Variants in DTNB observed in about 807,000 individuals in gnomAD.
DTNB encodes the protein DTN-B.
DTNB carries 63 observed loss-of-function variants against 90.7 expected under a neutral mutation model. The ratio of observed to expected loss-of-function variants is 0.69; its 90% CI spans 0.57 to 0.86. DTNB has a LOEUF of 0.86. DTNB is among the 40% of genes least tolerant of loss of function. The pLI, the probability that DTNB is intolerant of heterozygous loss-of-function variation, is 0.00. For synonymous variants in DTNB, 277 were observed against 286.7 expected (o/e 0.97, Z 0.34); for missense variants, 744 against 807.1 (o/e 0.92, Z 0.95).
intron 5 of DTNB, among the ~76,000 whole-genome samples, chr2:25,600,203 G>T (rs1189689223): frequency 6.6e-6 from 1 of 152,270 alleles, no homozygotes; most frequent in African/African-American, 2.4e-5. Context: ...ACTGCCAGGT[G>T]CCTCAGTATC....
chr2:25,382,026 A>G (rs189191114), intron 19 of DTNB, among the ~76,000 whole-genome samples: 1 of 152,264 alleles, frequency 6.6e-6, no homozygotes, highest in Admixed American at 6.5e-5. Context: ...CACTTCCCTT[A>G]GTCTACCAGT....
At chr2:25,592,742 TACA>T (rs2063802570) in intron 6 of DTNB, among the ~76,000 whole-genome samples, 4 of 151,980 alleles carry the variant, frequency 2.6e-5, no homozygotes. Context: ...GTGCGCAGAG[TACA>T]ACACTGTGGA....
intron 9 of DTNB, among the ~76,000 whole-genome samples, chr2:25,490,982 C>T (rs945921065): frequency 6.6e-6 from 1 of 151,884 alleles, no homozygotes; most frequent in African/African-American, 2.4e-5. Context: ...GGAAAGTATA[C>T]TTTCCAACAC....
At chr2:25,531,718 C>A in intron 8 of DTNB, 121 bp from the exon 9 acceptor site, 1 of 1,330,668 alleles carries the variant, frequency 7.5e-7, no homozygotes. Context: ...AATCAAGTTT[C>A]ATTACATCAA....
intron 9 of DTNB, among the ~76,000 whole-genome samples, chr2:25,518,987 A>G (rs570177631): frequency 6.6e-6 from 1 of 152,328 alleles, no homozygotes; most frequent in Non-Finnish European, 1.5e-5. Flanking sequence ...TTCTTTTACC[A>G]AAAAGACAAA....
chr2:25,618,928 GCAGA>G (rs770964456), intron 4 of DTNB, among the ~76,000 whole-genome samples: 26 of 152,172 alleles, frequency 1.7e-4, no homozygotes, highest in Non-Finnish European at 3.7e-4. Context: ...GCCAAGCTAA[GCAGA>G]CAATGAGTCA....
intron 6 of DTNB, among the ~76,000 whole-genome samples, chr2:25,586,022 A>C (rs1433526533): frequency 2.0e-5 from 3 of 152,236 alleles, no homozygotes; most frequent in African/African-American, 7.2e-5. Flanking sequence ...TTATGGATAA[A>C]GGAAAGATTA....
intron 6 of DTNB, among the ~76,000 whole-genome samples, chr2:25,594,478 T>C (rs972047384): frequency 1.3e-5 from 2 of 152,214 alleles, no homozygotes; most frequent in Non-Finnish European, 2.9e-5. Context: ...CTAAATACTA[T>C]TTGAAAGTCT....
chr2:25,623,083 G>A (rs1477776966), intron 4 of DTNB, among the ~76,000 whole-genome samples: 1 of 152,022 alleles, frequency 6.6e-6, no homozygotes, highest in Non-Finnish European at 1.5e-5. Context: ...AAGTAGAAAT[G>A]CCAACAATCA....
chr2:25,614,233 GAAGA>G (rs2069530492), intron 4 of DTNB, among the ~76,000 whole-genome samples: 1 of 152,168 alleles, frequency 6.6e-6, no homozygotes, highest in Non-Finnish European at 1.5e-5. Context: ...CATACTCAGT[GAAGA>G]AAGACTGAGT....
At chr2:25,395,347 A>C (rs944387028) in intron 16 of DTNB, among the ~76,000 whole-genome samples, 2 of 152,148 alleles carry the variant, frequency 1.3e-5, no homozygotes, top group African/African-American at 4.8e-5. Context: ...CATGTAATCA[A>C]ATACTACCTG....
intron 6 of DTNB, among the ~76,000 whole-genome samples, chr2:25,593,978 T>C (rs1243233912): frequency 6.6e-6 from 1 of 152,194 alleles, no homozygotes; most frequent in Non-Finnish European, 1.5e-5. Flanking sequence ...AAGCCATGTA[T>C]ACACCATACA....
At chr2:25,599,321 A>C (rs769292038) in intron 5 of DTNB, among the ~76,000 whole-genome samples, 12 of 151,058 alleles carry the variant, frequency 7.9e-5, no homozygotes, top group Non-Finnish European at 1.5e-4. Flanking sequence ...TTAGCTTTGA[A>C]CATTACTGTT....
chr2:25,592,060 C>CAAA (rs1162292627), intron 6 of DTNB, among the ~76,000 whole-genome samples: 23 of 48,942 alleles, frequency 4.7e-4, no homozygotes, highest in Non-Finnish European at 6.4e-4. Flanking sequence ...GACTCCATCT[C>CAAA]AAAAAAAAAA....
At chr2:25,629,568 T>C (rs80222837) in intron 3 of DTNB, among the ~76,000 whole-genome samples, 2,522 of 152,196 alleles carry the variant, frequency 0.017, 19 homozygotes, top group South Asian at 0.03. Flanking sequence ...AAGATTTAAA[T>C]ATAAGTGGAT....
chr2:25,645,418 A>G (rs563920026), intron 2 of DTNB, among the ~76,000 whole-genome samples: 7 of 152,272 alleles, frequency 4.6e-5, no homozygotes, highest in Admixed American at 3.3e-4. Context: ...ACAAAAAATA[A>G]TAACAAAATC....
chr2:25,383,395 T>C (rs1330015694), intron 19 of DTNB, among the ~76,000 whole-genome samples: 1 of 152,094 alleles, frequency 6.6e-6, no homozygotes, highest in African/African-American at 2.4e-5. Flanking sequence ...TTTTTGTATT[T>C]TTAGTAGAGA....
At chr2:25,535,496 G>A (rs1436779364) in intron 8 of DTNB, among the ~76,000 whole-genome samples, 1 of 147,194 alleles carries the variant, frequency 6.8e-6, no homozygotes, top group East Asian at 2.1e-4. Context: ...CCCAGACAGG[G>A]TTGCTGGGCA....
At chr2:25,564,032 G>A (rs2058645464) in intron 8 of DTNB, among the ~76,000 whole-genome samples, 1 of 152,158 alleles carries the variant, frequency 6.6e-6, no homozygotes, top group Non-Finnish European at 1.5e-5. Flanking sequence ...CTCCTGAGTA[G>A]CTGGGACTAC....
Sources: allele counts gnomAD v4.1 joint callset (sites outside exome capture counted in the v4.1 genomes callset), GRCh38; gene constraint gnomAD v4.1.1; transcripts MANE v1.5; gene names NCBI Gene and HGNC (gene_info 2026-07-23, HGNC 2026-07-21).